ERCC1: variants seen among roughly 807,000 people sequenced by gnomAD.
The protein encoded by ERCC1 is ERCC excision repair 1, endonuclease non-catalytic subunit, also known as DNA excision repair protein ERCC-1.
In ERCC1, 36 loss-of-function variants were observed where a neutral mutation model predicts 37.6. The ratio of observed to expected loss-of-function variants is 0.96; its 90% confidence interval spans 0.73 to 1.26. The LOEUF is 1.26. ERCC1 is among the 50% of genes most tolerant of loss of function. The pLI is 0.00. For missense variants in ERCC1, 349 were observed against 376.5 expected (o/e 0.93, Z 0.60); for synonymous variants, 156 against 162.1 (o/e 0.96, Z 0.28).
intron 9 of ERCC1, among the ~76,000 whole-genome samples, chr19:45,412,110 C>T (rs1422208802): frequency 6.6e-6 from 1 of 151,988 alleles, no homozygotes; most frequent in African/African-American, 2.4e-5. Context: ...CCACCCGCCT[C>T]GGCCTCCCAA....
At chr19:45,411,726 G>C (rs958354198) in intron 9 of ERCC1, among the ~76,000 whole-genome samples, 1 of 151,884 alleles carries the variant, frequency 6.6e-6, no homozygotes, top group African/African-American at 2.4e-5. Flanking sequence ...TCCAGGAGAC[G>C]GAGGTTGCAG....
chr19:45,428,693 G>A (rs75007915), upstream of ERCC1, among the ~76,000 whole-genome samples: 1 of 152,228 alleles, frequency 6.6e-6, no homozygotes, highest in South Asian at 2.1e-4. Context: ...TTCCGCCAAA[G>A]GGGACCTGAA....
chr19:45,440,713 A>T (rs1252449428), intron 1 of ERCC1, among the ~76,000 whole-genome samples: 1 of 151,900 alleles, frequency 6.6e-6, no homozygotes, highest in East Asian at 1.9e-4. Flanking sequence ...ACCCACCTCC[A>T]CTAATATTTT....
At chr19:45,419,294 C>T (rs1156231040) in intron 4 of ERCC1, 97 bp from the exon 5 acceptor site, 39 of 864,776 alleles carry the variant, frequency 4.5e-5, no homozygotes, top group Non-Finnish European at 6.1e-5. Context: ...GCTCAGAGTA[C>T]GGCATGGGGG....
At chr19:45,445,323 C>T (rs1458226165) in intron 1 of ERCC1, among the ~76,000 whole-genome samples, 1 of 152,170 alleles carries the variant, frequency 6.6e-6, no homozygotes, top group African/African-American at 2.4e-5. Flanking sequence ...CCCCAATCAA[C>T]AGGTATTTAT....
chr19:45,424,825 C>T (rs1222488216), upstream of ERCC1, among the ~76,000 whole-genome samples: 1 of 151,784 alleles, frequency 6.6e-6, no homozygotes, highest in Non-Finnish European at 1.5e-5. Flanking sequence ...TGTGTTTATG[C>T]GCAACTATTT....
chr19:45,438,190 G>A (rs1004096610), intron 1 of ERCC1, among the ~76,000 whole-genome samples: 7 of 152,146 alleles, frequency 4.6e-5, no homozygotes, highest in African/African-American at 1.2e-4. Context: ...GATTACAGGC[G>A]TGAGCCACTG....
At chr19:45,438,658 T>A (rs1168743014) in intron 1 of ERCC1, among the ~76,000 whole-genome samples, 10 of 151,754 alleles carry the variant, frequency 6.6e-5, no homozygotes, top group Non-Finnish European at 7.4e-5. Flanking sequence ...TATTATTTTT[T>A]AAGACAGAGT....
chr19:45,427,262 C>G (rs531924646), upstream of ERCC1, among the ~76,000 whole-genome samples: 1 of 152,278 alleles, frequency 6.6e-6, no homozygotes, highest in South Asian at 2.1e-4. Context: ...AGGTGGCTCA[C>G]GCCTAGTAGG....
intron 1 of ERCC1, among the ~76,000 whole-genome samples, chr19:45,441,566 G>A (rs1224523256): frequency 6.6e-6 from 1 of 152,184 alleles, no homozygotes; most frequent in Non-Finnish European, 1.5e-5. Flanking sequence ...GTAGAGACGG[G>A]GTTTTACTAT....
chr19:45,428,596 C>T (rs182349362), upstream of ERCC1, among the ~76,000 whole-genome samples: 494 of 152,344 alleles, frequency 3.2e-3, 2 homozygotes, highest in Admixed American at 6.7e-3. Context: ...CCCAAACCTT[C>T]CCCTCCTCTC....
At chr19:45,426,378 CAAAA>C (rs71173164), upstream of ERCC1, among the ~76,000 whole-genome samples, 63 of 55,376 alleles carry the variant, frequency 1.1e-3, no homozygotes, top group South Asian at 4.0e-3. Flanking sequence ...GACTCTGTCT[CAAAA>C]AAAAAAAAAA....
chr19:45,414,578 T>C (rs927231217), intron 7 of ERCC1: 3 of 444,824 alleles, frequency 6.7e-6, no homozygotes, highest in Non-Finnish European at 1.3e-5. Flanking sequence ...AAGTGTGAAG[T>C]GGAGGCCACG....
At chr19:45,437,487 G>A (rs536171120) in intron 1 of ERCC1, among the ~76,000 whole-genome samples, 1 of 152,220 alleles carries the variant, frequency 6.6e-6, no homozygotes, top group East Asian at 1.9e-4. Flanking sequence ...TAAAGCAAAT[G>A]TTGCATATAC....
At chr19:45,409,881 TTA>T in intron 9 of ERCC1, 156 bp from the exon 10 acceptor site, 1 of 254,168 alleles carries the variant, frequency 3.9e-6, no homozygotes, top group East Asian at 6.7e-5. Context: ...TTTTAAGTTA[TTA>T]TTATTATTAT....
intron 5 of ERCC1, among the ~76,000 whole-genome samples, chr19:45,418,891 T>A (rs1974225668): frequency 6.6e-6 from 1 of 152,122 alleles, no homozygotes; most frequent in Admixed American, 6.5e-5. Context: ...CTGGGACTAA[T>A]TGAAGGGGAT....
rs747797856 is a variant in ERCC1, at chr19:45,408,802, T to C, written c.*873A>G. 6.2e-7 allele frequency: 1 copy of C among 1,613,450 alleles called. No homozygotes were observed. Among genetic ancestry groups the C allele is most frequent in the South Asian group, 1.1e-5 (1 of 91,060 alleles). On this transcript the variant is annotated 3_prime_UTR_variant, in exon 10 of 10. Coordinates refer to ENST00000300853, the MANE Select transcript of ERCC1 (RefSeq NM_001983.4). ...AGCAGGAACAGATTAACACTGAGCC[T>C]CTAGAAGACACAGTCCTGTCCCCGA... is the stretch of plus-strand genomic sequence containing the variant.
intron 4 of ERCC1, 49 bp from the exon 5 acceptor site, chr19:45,419,246 C>A (rs1234777334): frequency 1.6e-6 from 2 of 1,284,492 alleles, no homozygotes; most frequent in Non-Finnish European, 2.2e-6. Context: ...CTCTTCAAGA[C>A]CCCCAAAGCC....
Position 45,420,066 on chromosome 19 carries a change from C to G in ERCC1, c.425+258G>C, listed in dbSNP as rs1293274092. Among the ~76,000 whole-genome samples, 7 of 151,202 alleles carry G rather than the reference C, an allele frequency of 4.6e-5. No homozygotes were observed. Among genetic ancestry groups the G allele is most frequent in the Admixed American group, 2.6e-4 (4 of 15,190 alleles). On this transcript the variant is annotated intron_variant, in intron 4 of 9. Transcript: ENST00000300853. This position sits in a 1 kb window ranked among gnomAD's most constrained non-coding sequence, Gnocchi z 4.8. ...AGATCCCCAGGAGTCCAGCCCTCAG[C>G]CCCTCCTCCCCCGGACCCAGGAGTC...
Sources: allele counts gnomAD v4.1 joint callset (sites outside exome capture counted in the v4.1 genomes callset), GRCh38; gene constraint gnomAD v4.1.1; non-coding constraint Gnocchi (gnomAD v3.1); transcripts MANE v1.5; gene names NCBI Gene and HGNC (gene_info 2026-07-23, HGNC 2026-07-21).